The following FAM169A variants were observed in gnomAD, a reference collection of about 807,000 sequenced individuals.
FAM169A encodes soluble lamin-associated protein of 75 kDa.
A neutral mutation model predicts 75.7 loss-of-function variants in FAM169A; 24 were observed. The observed-to-expected ratio is 0.32, with a 90% CI of 0.23 to 0.45. FAM169A has a LOEUF of 0.45. Ranked by LOEUF, FAM169A falls within the 20% of genes least tolerant of loss-of-function variation. The pLI, the probability that FAM169A is intolerant of heterozygous loss-of-function variation, is 1.00. For synonymous variants in FAM169A, 271 were observed against 271.0 expected (o/e 1.00, Z 0.00); for missense variants, 673 against 784.0 (o/e 0.86, Z 1.69).
At position 74,839,115 on chromosome 5, in the gene FAM169A, C is replaced by T; in HGVS notation, c.233-65G>A. Reference sequence around the variant, plus strand: ...AGTACACTTTTAGACTTAATAAGGCCATATTGTACTATAAAGTATCCATAT... The same window carrying T: ...AGTACACTTTTAGACTTAATAAGGCTATATTGTACTATAAAGTATCCATAT... On this transcript the variant is annotated intron_variant, in intron 3 of 12. Coordinates refer to ENST00000687041, the MANE Select transcript of FAM169A (RefSeq NM_001376049.1). The T allele has an allele frequency of 3.7e-6, 4 of 1,086,588 alleles. No homozygotes were observed. The South Asian group carries it at 5.0e-5, about 14-fold the overall frequency. The allele number at this position is 1,086,588 out of a possible 1,614,324, so 67.3% of individuals were successfully genotyped here.
chr5:74,812,645 A>AC lies in FAM169A; in HGVS notation c.670+1194dup, dbSNP rs201284593. Among the ~76,000 whole-genome samples the AC allele has an allele frequency of 9.0e-3, 1,310 of 145,490 alleles. 17 individuals carry two copies. Among genetic ancestry groups the AC allele is most frequent in the African/African-American group, 0.026 (1,011 of 39,446 alleles). On this transcript the variant is annotated intron_variant, in intron 6 of 12. Coordinates refer to ENST00000687041, the MANE Select transcript of FAM169A (RefSeq NM_001376049.1). ...TTTTAAAAGCTACCATAAACAAATAACCCCCCCCCAAAATGGTCAAAGGAT... is the reference window on the plus strand; with the variant it reads ...TTTTAAAAGCTACCATAAACAAATAACCCCCCCCCCAAAATGGTCAAAGGAT...
At chr5:74,831,138 GA>G (rs35015472) in intron 5 of FAM169A, among the ~76,000 whole-genome samples, 4,217 of 152,172 alleles carry the variant, frequency 0.028, 67 homozygotes, top group Non-Finnish European at 0.042. Context: ...GAAAACTTTA[GA>G]GCCAAAAGAA....
chr5:74,854,511 A>G (rs1749610256), intron 1 of FAM169A, among the ~76,000 whole-genome samples: 1 of 152,176 alleles, frequency 6.6e-6, no homozygotes, highest in Non-Finnish European at 1.5e-5. Flanking sequence ...ATTGTTGACT[A>G]TCATCACACT....
upstream of FAM169A, chr5:74,866,712 G>A: frequency 1.0e-6 from 1 of 978,350 alleles, no homozygotes; most frequent in Non-Finnish European, 1.2e-6. Flanking sequence ...AAGCCGCGGG[G>A]GCTGCAACGC....
chr5:74,800,619 T>C (rs191262484), intron 10 of FAM169A, among the ~76,000 whole-genome samples: 1 of 152,178 alleles, frequency 6.6e-6, no homozygotes, highest in East Asian at 1.9e-4. Context: ...AATAATCTTG[T>C]ACAATAATTC....
intron 11 of FAM169A, among the ~76,000 whole-genome samples, chr5:74,785,657 G>A (rs1269212629): frequency 1.3e-5 from 2 of 152,290 alleles, no homozygotes; most frequent in East Asian, 3.9e-4. Flanking sequence ...AGCTACTTGG[G>A]AGGCTAAAGC....
chr5:74,838,384 T>C (rs577388643), intron 4 of FAM169A, among the ~76,000 whole-genome samples: 4 of 152,298 alleles, frequency 2.6e-5, no homozygotes, highest in South Asian at 4.2e-4. Flanking sequence ...TTGGTTTCTA[T>C]AGATTTTCCA....
In FAM169A at chr5:74,804,461, TACA is replaced by T. The variant is rs142700089; in HGVS notation, c.912+29_912+31del. ...TTTTTAAAAACACAAAAATTTTATA[TACA>T]ACAATAAACATATAGACAGTGTACC... On this transcript the variant is annotated intron_variant, in intron 8 of 12. Transcript: ENST00000687041. 1,063 of 1,142,908 alleles carry T rather than the reference TACA, an allele frequency of 9.3e-4. 17 individuals carry two copies. The East Asian group carries it at 0.025, about 27-fold the overall frequency. 70.8% of individuals were successfully genotyped at this position (1,142,908 alleles called of 1,614,324 possible).
chr5:74,800,031 G>T, intron 10 of FAM169A: 2 of 754,020 alleles, frequency 2.7e-6, no homozygotes, highest in Non-Finnish European at 2.4e-6. Context: ...TTGCACTACT[G>T]GCATCGATGG....
rs747401145 is a variant in FAM169A, at chr5:74,782,949, C to T, written c.1446G>A (p.Glu482=). The change falls in exon 12 of 13, where the codon GAG becomes GAA. Residue 482 remains glutamate, a synonymous_variant. Transcript: ENST00000687041. ...CCCTTACCTTATCTGGTGCATCTAC[C>T]TCAGGGGGTTTTGAAGATTCTACCA... The part of the protein sequence containing the change: ...PLVVESSKPP[E]VDAPDKTPRI... 5.6e-6 allele frequency: 9 copies of T among 1,613,130 alleles called. No individual in the cohort carries two copies. The South Asian group carries it at 9.9e-5, about 18-fold the overall frequency.
intron 4 of FAM169A, among the ~76,000 whole-genome samples, chr5:74,834,935 T>C (rs1289454975): frequency 6.6e-6 from 1 of 151,150 alleles, no homozygotes; most frequent in Non-Finnish European, 1.5e-5. Flanking sequence ...TCCAGGGTCT[T>C]ACCAACCCTA....
chr5:74,796,012 G>T lies in FAM169A; in HGVS notation c.1260+18C>A, dbSNP rs1471404862. On this transcript the variant is annotated intron_variant, in intron 11 of 12. Transcript: ENST00000687041. The stretch of plus-strand genomic sequence containing the variant: ...TTAGTTTACTTTTTTTCATTTTGCT[G>T]AATAAGTGATCTCATACCTTTTCAC... 6.3e-7 allele frequency: 1 copy of T among 1,597,398 alleles called. No individual in the cohort carries two copies. The highest frequency in any genetic ancestry group is 8.5e-7 in the Non-Finnish European group (1 of 1,174,742).
At chr5:74,822,974 T>C (rs905431923) in intron 5 of FAM169A, among the ~76,000 whole-genome samples, 12 of 152,200 alleles carry the variant, frequency 7.9e-5, no homozygotes, top group African/African-American at 2.9e-4. Context: ...AGATGTTCCC[T>C]TCTCCACTCC....
intron 5 of FAM169A, among the ~76,000 whole-genome samples, chr5:74,817,163 T>A (rs1747511694): frequency 6.6e-6 from 1 of 152,058 alleles, no homozygotes; most frequent in Non-Finnish European, 1.5e-5. Context: ...TCTCACCACT[T>A]GCATTCGACA....
At chr5:74,838,363 T>C (rs1748679620) in intron 4 of FAM169A, among the ~76,000 whole-genome samples, 1 of 152,148 alleles carries the variant, frequency 6.6e-6, no homozygotes, top group South Asian at 2.1e-4. Context: ...CCTCCTCAAA[T>C]ATGTTACATC....
intron 11 of FAM169A, among the ~76,000 whole-genome samples, chr5:74,786,692 C>T (rs1745711389): frequency 6.6e-6 from 1 of 152,168 alleles, no homozygotes; most frequent in Non-Finnish European, 1.5e-5. Context: ...AAAGCAGATA[C>T]TCGCTTTAAA....
chr5:74,852,472 TAAATG>T (rs1216407699), intron 1 of FAM169A, among the ~76,000 whole-genome samples: 1 of 152,018 alleles, frequency 6.6e-6, no homozygotes, highest in Non-Finnish European at 1.5e-5. Flanking sequence ...ATTTACTAAA[TAAATG>T]AATGACTGAA....
At chr5:74,787,531 T>C (rs754779361) in intron 11 of FAM169A, among the ~76,000 whole-genome samples, 12 of 152,170 alleles carry the variant, frequency 7.9e-5, no homozygotes, top group African/African-American at 2.9e-4. Flanking sequence ...GAGGGCAGCA[T>C]GTTAATCTTC....
chr5:74,801,762 TTAAAAA>T (rs1434105991), intron 8 of FAM169A, 133 bp from the exon 9 acceptor site: 1 of 686,172 alleles, frequency 1.5e-6, no homozygotes, highest in African/African-American at 1.8e-5. Context: ...AACATTTACT[TTAAAAA>T]TAAAAAGGTT....
Sources: allele counts gnomAD v4.1 joint callset (sites outside exome capture counted in the v4.1 genomes callset), GRCh38; gene constraint gnomAD v4.1.1; transcripts MANE v1.5; gene names NCBI Gene and HGNC (gene_info 2026-07-23, HGNC 2026-07-21).